EIF3K: variants seen among roughly 807,000 people sequenced by gnomAD.
EIF3K encodes eIF-3 p28.
A neutral mutation model predicts 34.2 loss-of-function variants in EIF3K; 27 were observed. The ratio of observed to expected loss-of-function variants is 0.79; its 90% CI spans 0.58 to 1.09. The LOEUF (loss-of-function observed/expected upper bound fraction) is 1.09. Among genes scored for constraint, EIF3K ranks in the 50% least tolerant of loss-of-function variants. The pLI is 0.00. For missense variants in EIF3K, 232 were observed against 275.4 expected (o/e 0.84, Z 1.11); for synonymous variants, 105 against 105.7 (o/e 0.99, Z 0.04).
intron 6 of EIF3K, among the ~76,000 whole-genome samples, chr19:38,633,731 A>G (rs1223876074): frequency 4.6e-5 from 7 of 151,230 alleles, no homozygotes; most frequent in African/African-American, 1.5e-4. Flanking sequence ...GTGATGGCTC[A>G]TACCAGTGAG....
At position 38,627,137 on chromosome 19, in the gene EIF3K, C is replaced by A. The variant is rs150568905; in HGVS notation, c.354+1035C>A. 3.9e-5 allele frequency among the ~76,000 whole-genome samples: 6 copies of A among 152,200 alleles called. No homozygotes were observed. In the East Asian group the frequency reaches 9.8e-4, roughly 25 times the overall value. ...AAGTGGCTGGGGTTACAGGCATGTG[C>A]CATCACGCTGGCTAATTTTTGTATT... On this transcript the variant is annotated intron_variant, in intron 4 of 7. Coordinates refer to ENST00000248342, the MANE Select transcript of EIF3K (RefSeq NM_013234.4).
At position 38,634,983 on chromosome 19, in the gene EIF3K, T is replaced by C. The variant is rs777258999; in HGVS notation, c.500-10T>C. On this transcript the variant is annotated splice_polypyrimidine_tract_variant and intron_variant, in intron 6 of 7. Coordinates refer to ENST00000248342, the MANE Select transcript of EIF3K (RefSeq NM_013234.4). ...TGACTGAAGCCCCTTGCTGCCCCTG[T>C]CACCTGCAGACAGCCAGCTAAAGGT... 1.2e-5 allele frequency: 19 copies of C among 1,614,000 alleles called. No individual in the cohort carries two copies. The South Asian group carries it at 2.1e-4, about 18-fold the overall frequency.
At chr19:38,624,533 T>C (rs1034258045) in intron 3 of EIF3K, among the ~76,000 whole-genome samples, 4 of 152,040 alleles carry the variant, frequency 2.6e-5, no homozygotes, top group African/African-American at 9.7e-5. Flanking sequence ...AGGTCAGGAG[T>C]TCGAGACCAG....
intron 4 of EIF3K, among the ~76,000 whole-genome samples, chr19:38,631,180 G>A (rs1040784198): frequency 6.6e-6 from 1 of 152,184 alleles, no homozygotes; most frequent in Admixed American, 6.5e-5. Context: ...AGTGTTTCTC[G>A]TTAGGTGGAA....
chr19:38,630,348 T>TA lies in EIF3K; in HGVS notation c.355-2082_355-2081insA, dbSNP rs535919793. 4.4e-4 allele frequency among the ~76,000 whole-genome samples: 53 copies of TA among 119,792 alleles called. 1 individual carries two copies. Among genetic ancestry groups the TA allele is most frequent in the Admixed American group, 1.5e-3 (19 of 12,280 alleles). 78.6% of individuals were successfully genotyped at this position (119,792 alleles called of 152,430 possible). A position where few individuals can be genotyped will look rare whatever the true frequency, so the allele number is the denominator to read the frequency against. Reference sequence around the variant, plus strand: ...GTTTAATTATTTATTTATTTATTTATTTTTTTTTTTTTTTGAGATGGAGTC... The same window carrying TA: ...GTTTAATTATTTATTTATTTATTTATATTTTTTTTTTTTTTGAGATGGAGTC... On this transcript the variant is annotated intron_variant, in intron 4 of 7. Transcript: ENST00000248342.
intron 2 of EIF3K, among the ~76,000 whole-genome samples, chr19:38,623,719 T>C (rs1197148289): frequency 2.6e-5 from 4 of 152,070 alleles, no homozygotes; most frequent in Non-Finnish European, 5.9e-5. Flanking sequence ...TCTTCTCTGC[T>C]CCTCGTGTCA....
At chr19:38,628,821 CA>C (rs1159369097) in intron 4 of EIF3K, among the ~76,000 whole-genome samples, 140 of 142,426 alleles carry the variant, frequency 9.8e-4, no homozygotes, top group Admixed American at 9.1e-4. Context: ...AACTCCATCT[CA>C]AAAAAAAAAA....
In EIF3K at chr19:38,635,044, C is replaced by A. The variant is rs746364792; in HGVS notation, c.551C>A (p.Ser184Ter). Reference sequence around the variant, plus strand: ...AAATACGGCTGGAGTGCCGACGAGTCGGGGCAGATCTTCATCTGTAGCCAA... The same window carrying A: ...AAATACGGCTGGAGTGCCGACGAGTAGGGGCAGATCTTCATCTGTAGCCAA... ...MSKYGWSADESGQIFICSQEE... is the reference protein window; with the variant it reads ...MSKYGWSADE Residue 184 changes from serine (S) to a stop codon, truncating the protein, a stop_gained, in exon 7 of 8, where the codon TCG becomes TAG. Coordinates refer to ENST00000248342, the MANE Select transcript of EIF3K (RefSeq NM_013234.4). LOFTEE classifies it high-confidence loss of function. 7 of 1,613,960 alleles carry A rather than the reference C, an allele frequency of 4.3e-6. No homozygotes were observed. The highest frequency in any genetic ancestry group is 5.1e-6 in the Non-Finnish European group (6 of 1,179,948).
At chr19:38,619,872 G>A (rs1975802113) in intron 1 of EIF3K, among the ~76,000 whole-genome samples, 1 of 152,220 alleles carries the variant, frequency 6.6e-6, no homozygotes, top group African/African-American at 2.4e-5. Context: ...AGACAAACCT[G>A]ACAGCAGACA....
At chr19:38,620,484 G>T (rs181438320) in intron 2 of EIF3K, 49 bp downstream of exon 2, 1 of 1,537,244 alleles carries the variant, frequency 6.5e-7, no homozygotes, top group African/African-American at 1.4e-5. Context: ...AACTAGCAGG[G>T]TGCCACTCCC....
rs147406017 is a variant in EIF3K at position 38,620,219 on chromosome 19, A to C, written c.60-118A>C. ...CACTACCTGGATAGAGCAAGTGGCC[A>C]GTGCCAGATTTAGAGGGGAAGGGCG... On this transcript the variant is annotated intron_variant, in intron 1 of 7. Transcript: ENST00000248342. 2.0e-4 allele frequency: 153 copies of C among 753,738 alleles called. No homozygotes were observed. In the African/African-American group the frequency reaches 2.5e-3, roughly 12 times the overall value. 46.7% of individuals were successfully genotyped at this position (753,738 alleles called of 1,614,324 possible).
intron 2 of EIF3K, among the ~76,000 whole-genome samples, chr19:38,621,197 TAAAAAAAA>T (rs34987023): frequency 8.3e-6 from 1 of 120,078 alleles, no homozygotes; most frequent in Non-Finnish European, 1.8e-5. Context: ...CCCCTCTTTT[TAAAAAAAA>T]AAAAAAAAAA....
At position 38,635,525 on chromosome 19, in the gene EIF3K, ATTT is replaced by A. The variant is rs1201198925; in HGVS notation, c.625+410_625+412del. 1.5e-5 allele frequency: 4 copies of A among 270,812 alleles called. No homozygotes were observed. The Admixed American group carries it at 1.9e-4, about 13-fold the overall frequency. The allele number at this position is 270,812 out of a possible 1,614,324, so 16.8% of individuals were successfully genotyped here. ...GATTCTCTAGTTTGGGTGATTCCACATTTTTGTGCCTCAGTTTTCTCATCTAAA... is the reference window on the plus strand; with the variant it reads ...GATTCTCTAGTTTGGGTGATTCCACATTGTGCCTCAGTTTTCTCATCTAAA... On this transcript the variant is annotated intron_variant, in intron 7 of 7. Transcript: ENST00000248342.
intron 6 of EIF3K, among the ~76,000 whole-genome samples, chr19:38,634,594 C>T (rs920790546): frequency 8.0e-5 from 12 of 150,418 alleles, no homozygotes; most frequent in Admixed American, 2.0e-4. Flanking sequence ...GCAAAAACTC[C>T]GTCTCAAAAA....
At chr19:38,632,350 AC>A in intron 4 of EIF3K, 79 bp from the exon 5 acceptor site, 4 of 1,380,858 alleles carry the variant, frequency 2.9e-6, no homozygotes, top group Non-Finnish European at 4.1e-6. Context: ...ACGTAGTGAG[AC>A]CCCATCTCTA....
chr19:38,634,327 G>A (rs1377632112), intron 6 of EIF3K, among the ~76,000 whole-genome samples: 8 of 146,600 alleles, frequency 5.5e-5, no homozygotes, highest in Admixed American at 6.9e-5. Context: ...GACTTGGCAC[G>A]GTGGCTCACA....
At chr19:38,623,378 A>T (rs2144764138) in intron 2 of EIF3K, among the ~76,000 whole-genome samples, 1 of 152,360 alleles carries the variant, frequency 6.6e-6, no homozygotes, top group Non-Finnish European at 1.5e-5. Context: ...CATGTTAGCC[A>T]GGCTGGTCTC....
chr19:38,633,162 G>C (rs917771960), intron 6 of EIF3K, among the ~76,000 whole-genome samples: 8 of 152,094 alleles, frequency 5.3e-5, no homozygotes, highest in Non-Finnish European at 8.8e-5. Context: ...GGTGTATGTG[G>C]CCAGAGCAGA....
In EIF3K at chr19:38,631,486, A is replaced by G. The variant is rs1976064065; in HGVS notation, c.355-944A>G. Among the ~76,000 whole-genome samples the G allele has an allele frequency of 2.0e-5, 3 of 152,216 alleles. No individual in the cohort carries two copies. In the South Asian group the frequency reaches 6.2e-4, roughly 32 times the overall value. ...TAAACATCTCAATGCCTTGAAGAGCAATATTGCTGCCCGCGTGTCCCACCT... is the reference window on the plus strand; with the variant it reads ...TAAACATCTCAATGCCTTGAAGAGCGATATTGCTGCCCGCGTGTCCCACCT... On this transcript the variant is annotated intron_variant, in intron 4 of 7. Coordinates refer to ENST00000248342, the MANE Select transcript of EIF3K (RefSeq NM_013234.4).
Sources: allele counts gnomAD v4.1 joint callset (sites outside exome capture counted in the v4.1 genomes callset), GRCh38; gene constraint gnomAD v4.1.1; transcripts MANE v1.5; gene names NCBI Gene and HGNC (gene_info 2026-07-23, HGNC 2026-07-21).